Variants in AZIN2 observed in about 807,000 individuals in gnomAD.
AZIN2 encodes the protein antizyme inhibitor 2.
In AZIN2, 28 loss-of-function variants were observed where a neutral mutation model predicts 47.8. The ratio of observed to expected loss-of-function variants is 0.59; its 90% confidence interval spans 0.43 to 0.80. The LOEUF is 0.80. AZIN2 is among the 30% of genes least tolerant of loss of function. The pLI is 0.00. For missense variants in AZIN2, 535 were observed against 582.5 expected (o/e 0.92, Z 0.84); for synonymous variants, 221 against 239.4 (o/e 0.92, Z 0.71).
At chr1:33,160,125 G>A in the AZIN2 span, among the ~76,000 whole-genome samples, 2 of 152,272 alleles carry the variant, frequency 1.3e-5, no homozygotes, top group African/African-American at 4.8e-5. Flanking sequence ...GTTCTATGTG[G>A]TCCATTAAAT....
In AZIN2 at chr1:33,120,074, A is replaced by C. The variant is rs769909550; in HGVS notation, c.1275A>C (p.Ala425=). Residue 425 remains alanine (A), a synonymous_variant, in exon 12 of 12, where the codon GCA becomes GCC. Transcript: ENST00000294517. The part of the protein sequence containing the change: ...WEALRRQLMA[A]EQEDDVEGVC... ...CGCTGCGAAGGCAGCTGATGGCTGC[A>C]GAACAGGAGGATGACGTGGAGGGTG... 1.5e-5 allele frequency: 24 copies of C among 1,613,942 alleles called. No individual in the cohort carries two copies. Among genetic ancestry groups the C allele is most frequent in the Non-Finnish European group, 2.0e-5 (24 of 1,179,976 alleles).
At chr1:33,089,370 G>T (rs552363693) in intron 5 of AZIN2, among the ~76,000 whole-genome samples, 2 of 152,272 alleles carry the variant, frequency 1.3e-5, no homozygotes, top group South Asian at 4.1e-4. Context: ...GGCCAAGGCA[G>T]GAGGACTGCT....
the AZIN2 span, among the ~76,000 whole-genome samples, chr1:33,144,135 CTTTTT>C: frequency 3.4e-5 from 5 of 146,514 alleles, no homozygotes; most frequent in Admixed American, 6.8e-5. Flanking sequence ...AATGTTACTT[CTTTTT>C]TTTTTTTTTT....
the AZIN2 span, among the ~76,000 whole-genome samples, chr1:33,141,573 T>A: frequency 6.6e-6 from 1 of 152,210 alleles, no homozygotes; most frequent in Non-Finnish European, 1.5e-5. Context: ...TGATGCCAGC[T>A]TCCTGAAAGC....
chr1:33,099,540 G>A (rs980155882), intron 10 of AZIN2, among the ~76,000 whole-genome samples: 2 of 152,164 alleles, frequency 1.3e-5, no homozygotes, highest in African/African-American at 4.8e-5. Flanking sequence ...TCCAGTACTC[G>A]TCTTCCTGTT....
chr1:33,141,556 G>T, the AZIN2 span, among the ~76,000 whole-genome samples: 3 of 152,154 alleles, frequency 2.0e-5, no homozygotes, highest in Admixed American at 6.5e-5. Context: ...CTGAAGCTTT[G>T]TGCCTCTGAT....
rs184968984 is a variant in AZIN2 at position 33,094,858 on chromosome 1, T to C, written c.753+145T>C. On this transcript the variant is annotated intron_variant, in intron 8 of 11. Coordinates refer to ENST00000294517, the MANE Select transcript of AZIN2 (RefSeq NM_052998.4). ...CTTACCTGGGTGATCTCACTGCTTATTAACCCTGTGCTACAGCTGAGCAAG... is the reference window on the plus strand; with the variant it reads ...CTTACCTGGGTGATCTCACTGCTTACTAACCCTGTGCTACAGCTGAGCAAG... The C allele has an allele frequency of 4.2e-4, 378 of 891,848 alleles. 4 individuals are homozygous for C. In the East Asian group the frequency reaches 6.8e-3, roughly 16 times the overall value. 55.2% of individuals were successfully genotyped at this position (891,848 alleles called of 1,614,324 possible). A position where few individuals can be genotyped will look rare whatever the true frequency, so the allele number is the denominator to read the frequency against.
At chr1:33,098,217 G>A (rs777645864) in intron 10 of AZIN2, 38 bp downstream of exon 10, 9 of 1,410,578 alleles carry the variant, frequency 6.4e-6, no homozygotes, top group Non-Finnish European at 8.9e-6. Flanking sequence ...TCAGTTGTGT[G>A]TGTGTATTTC....
chr1:33,096,546 G>T (rs1643173211), intron 8 of AZIN2, among the ~76,000 whole-genome samples, 161 bp from the exon 9 acceptor site: 1 of 152,110 alleles, frequency 6.6e-6, no homozygotes, highest in Admixed American at 6.6e-5. Context: ...TACCTTCTTG[G>T]CCAGCTGTCC....
rs1212338325 is a variant in AZIN2 at position 33,122,945 on chromosome 1, GA to G, written c.*2764del. Among the ~76,000 whole-genome samples, 1 of 152,120 alleles carries G rather than the reference GA, an allele frequency of 6.6e-6. No homozygotes were observed. The highest frequency in any genetic ancestry group is 1.5e-5 in the Non-Finnish European group (1 of 68,036). On this transcript the variant is annotated 3_prime_UTR_variant, in exon 12 of 12. Coordinates refer to ENST00000294517, the MANE Select transcript of AZIN2 (RefSeq NM_052998.4). ...AGCAGCCAGATGCCGTACCTCCTGG[GA>G]TTCCGTTTCACCAAGAATGAAATTT... is the stretch of plus-strand genomic sequence containing the variant.
chr1:33,097,729 C>T (rs1345040307), intron 9 of AZIN2, among the ~76,000 whole-genome samples: 1 of 152,114 alleles, frequency 6.6e-6, no homozygotes, highest in Non-Finnish European at 1.5e-5. Flanking sequence ...TCATCCACTG[C>T]CCTATCATGT....
intron 10 of AZIN2, 96 bp from the exon 11 acceptor site, chr1:33,117,806 G>A: frequency 7.4e-7 from 1 of 1,351,644 alleles, no homozygotes; most frequent in Non-Finnish European, 1.1e-6. Flanking sequence ...ACTTTATCCT[G>A]TTGGCTATGG....
the AZIN2 span, among the ~76,000 whole-genome samples, chr1:33,136,113 C>CCCTTTCCTTCCTT: frequency 1.2e-3 from 122 of 103,570 alleles, 1 homozygote; most frequent in African/African-American, 4.3e-3. Flanking sequence ...CAGGGGCCAG[C>CCCTTTCCTTCCTT]CCTTCCTTCC....
At chr1:33,096,193 A>G (rs1305964792) in intron 8 of AZIN2, among the ~76,000 whole-genome samples, 2 of 152,192 alleles carry the variant, frequency 1.3e-5, no homozygotes, top group African/African-American at 4.8e-5. Context: ...TTTACTATTC[A>G]TTAAGTGGAA....
chr1:33,154,241 G>A, the AZIN2 span, among the ~76,000 whole-genome samples: 1 of 150,858 alleles, frequency 6.6e-6, no homozygotes, highest in Non-Finnish European at 1.5e-5. Flanking sequence ...CTAAGTTCTG[G>A]GAGGCAAAAG....
chr1:33,101,419 C>G (rs1643682678), intron 10 of AZIN2, among the ~76,000 whole-genome samples: 1 of 150,172 alleles, frequency 6.7e-6, no homozygotes, highest in Non-Finnish European at 1.5e-5. Context: ...GTGGAGTTTC[C>G]TGCATTCTTG....
At chr1:33,146,536 A>G in the AZIN2 span, 1 of 158,446 alleles carries the variant, frequency 6.3e-6, no homozygotes, top group Non-Finnish European at 1.4e-5. Flanking sequence ...GTGGTGGCAC[A>G]TGACTATAAT....
the AZIN2 span, among the ~76,000 whole-genome samples, chr1:33,159,382 C>T: frequency 1.3e-5 from 2 of 151,960 alleles, no homozygotes; most frequent in Non-Finnish European, 2.9e-5. This position sits in a 1 kb window ranked among gnomAD's most constrained non-coding sequence, Gnocchi z 4.2. Context: ...TATATGAAGT[C>T]TTTATTCCCA....
At chr1:33,152,573 G>GA in the AZIN2 span, among the ~76,000 whole-genome samples, 4,155 of 102,858 alleles carry the variant, frequency 0.04, 92 homozygotes, top group Middle Eastern at 0.12. Flanking sequence ...GTCTCAAAAA[G>GA]AAAAAAAAAA....
Sources: allele counts gnomAD v4.1 joint callset (sites outside exome capture counted in the v4.1 genomes callset), GRCh38; gene constraint gnomAD v4.1.1; non-coding constraint Gnocchi (gnomAD v3.1); transcripts MANE v1.5; gene names NCBI Gene and HGNC (gene_info 2026-07-23, HGNC 2026-07-21).